ROR2: variants seen among roughly 807,000 people sequenced by gnomAD.
ROR2 encodes the protein tyrosine-protein kinase transmembrane receptor ROR2.
In ROR2, 33 loss-of-function variants were observed where a neutral mutation model predicts 74.9. The ratio of observed to expected loss-of-function variants is 0.44; its 90% CI spans 0.33 to 0.59. The LOEUF is 0.59. ROR2 is among the 20% of genes least tolerant of loss of function. ROR2 has a pLI of 0.02. For synonymous variants in ROR2, 586 were observed against 558.7 expected (o/e 1.05, Z -0.69); for missense variants, 1,216 against 1,313.8 (o/e 0.93, Z 1.15).
At chr9:91,831,684 A>G (rs1405142804) in intron 1 of ROR2, among the ~76,000 whole-genome samples, 11 of 141,156 alleles carry the variant, frequency 7.8e-5, no homozygotes, top group Admixed American at 2.8e-4. Flanking sequence ...CTGAGGCAGG[A>G]GAATCCTATA....
intron 1 of ROR2, among the ~76,000 whole-genome samples, chr9:91,918,420 C>T (rs1211475752): frequency 3.9e-5 from 6 of 152,178 alleles, no homozygotes; most frequent in African/African-American, 1.4e-4. Flanking sequence ...ACCCTAAATA[C>T]TTTCCGACAG....
intron 1 of ROR2, among the ~76,000 whole-genome samples, chr9:91,941,642 C>T (rs1325410556): frequency 6.6e-6 from 1 of 152,194 alleles, no homozygotes; most frequent in Non-Finnish European, 1.5e-5. Flanking sequence ...TTCCCTCCAG[C>T]ACAGGGTCAG....
intron 1 of ROR2, among the ~76,000 whole-genome samples, chr9:91,914,292 A>G (rs952972689): frequency 1.3e-5 from 2 of 152,162 alleles, no homozygotes; most frequent in Non-Finnish European, 2.9e-5. Context: ...CAGAGTTTAA[A>G]CCTCCAGGAG....
At chr9:91,877,650 C>T (rs1829994711) in intron 1 of ROR2, among the ~76,000 whole-genome samples, 2 of 152,186 alleles carry the variant, frequency 1.3e-5, no homozygotes, top group African/African-American at 4.8e-5. Context: ...AATGAAGAAC[C>T]ATCACCAATG....
chr9:91,838,031 T>C (rs1470477816), intron 1 of ROR2, among the ~76,000 whole-genome samples: 1 of 152,208 alleles, frequency 6.6e-6, no homozygotes, highest in East Asian at 1.9e-4. Flanking sequence ...AGTTTCATTT[T>C]TGCATGTTGA....
chr9:91,766,510 A>C (rs1458419683), intron 2 of ROR2, among the ~76,000 whole-genome samples: 1 of 152,170 alleles, frequency 6.6e-6, no homozygotes, highest in Non-Finnish European at 1.5e-5. Context: ...AGTCTGGTCC[A>C]CCATTTTCAA....
intron 8 of ROR2, among the ~76,000 whole-genome samples, chr9:91,725,528 G>T (rs1234341620): frequency 6.6e-6 from 1 of 152,168 alleles, no homozygotes; most frequent in Non-Finnish European, 1.5e-5. Flanking sequence ...CATCACGTGA[G>T]ATGTGATGTC....
chr9:91,894,491 A>T (rs1830492851), intron 1 of ROR2, among the ~76,000 whole-genome samples: 1 of 152,242 alleles, frequency 6.6e-6, no homozygotes, highest in Non-Finnish European at 1.5e-5. Context: ...AAGCAGAGAG[A>T]GTAAGAAACA....
chr9:91,856,111 C>T (rs1249633496), intron 1 of ROR2, among the ~76,000 whole-genome samples: 5 of 152,214 alleles, frequency 3.3e-5, no homozygotes, highest in Non-Finnish European at 7.3e-5. Flanking sequence ...AGCCTGTAAT[C>T]CCAGCAACTC....
chr9:91,915,815 G>A (rs62565747), intron 1 of ROR2, among the ~76,000 whole-genome samples: 35,699 of 152,090 alleles, frequency 0.23, 4,862 homozygotes, highest in Admixed American at 0.42. Context: ...GACGCAGAGC[G>A]CTAATTGGTG....
chr9:91,869,624 A>G (rs528077396), intron 1 of ROR2, among the ~76,000 whole-genome samples: 2 of 152,194 alleles, frequency 1.3e-5, no homozygotes, highest in South Asian at 4.2e-4. Flanking sequence ...CAAAGCTACT[A>G]TAGGGACAGA....
At chr9:91,936,560 A>G (rs7866702) in intron 1 of ROR2, among the ~76,000 whole-genome samples, 55,830 of 152,118 alleles carry the variant, frequency 0.37, 15,687 homozygotes, top group African/African-American at 0.78. Context: ...GAGGTACTGG[A>G]AGTTAGGACT....
chr9:91,813,224 TAAAC>T (rs1301291880), intron 1 of ROR2, among the ~76,000 whole-genome samples: 1 of 152,078 alleles, frequency 6.6e-6, no homozygotes, highest in Admixed American at 6.6e-5. Flanking sequence ...AAAAAACACA[TAAAC>T]GAAATGTCGA....
At chr9:91,750,343 T>C (rs1238693670) in intron 4 of ROR2, among the ~76,000 whole-genome samples, 1 of 152,244 alleles carries the variant, frequency 6.6e-6, no homozygotes, top group South Asian at 2.1e-4. Flanking sequence ...CAGTTAGTTT[T>C]CTGAGAGCCT....
chr9:91,733,154 C>T lies in ROR2; in HGVS notation c.905G>A (p.Arg302His), dbSNP rs759546998. The T allele has an allele frequency of 5.0e-6, 8 of 1,602,724 alleles. No homozygotes were observed. Among genetic ancestry groups the T allele is most frequent in the African/African-American group, 4.0e-5 (3 of 74,800 alleles). The stretch of plus-strand genomic sequence containing the variant: ...CAGCCTCTCGGCTGGGATGCCAATG[C>T]GCATGCAGTTGGCAGCGTCGGGGCT... ...PESPDAANCM[R>H]IGIPAERLGR... The change falls in exon 6 of 9, where the codon CGC (arginine) becomes CAC (histidine). Residue 302 changes from arginine (R) to histidine (H), a missense_variant. Transcript: ENST00000375708. This position sits in a 1 kb window ranked among gnomAD's most constrained non-coding sequence, Gnocchi z 5.7.
intron 1 of ROR2, among the ~76,000 whole-genome samples, chr9:91,919,931 G>T (rs1273737352): frequency 6.6e-6 from 1 of 152,142 alleles, no homozygotes; most frequent in African/African-American, 2.4e-5. Context: ...GAAATATTTT[G>T]AACAGTTTAG....
intron 2 of ROR2, 134 bp from the exon 3 acceptor site, chr9:91,757,693 G>T: frequency 1.1e-6 from 1 of 908,308 alleles, no homozygotes; most frequent in Non-Finnish European, 1.7e-6. Context: ...GTTGTTATCT[G>T]CGGTAATTAT....
chr9:91,791,610 A>C (rs1476846904), intron 1 of ROR2, among the ~76,000 whole-genome samples: 2 of 152,242 alleles, frequency 1.3e-5, no homozygotes, highest in Non-Finnish European at 2.9e-5. Flanking sequence ...TTACAGAAAT[A>C]AAAGGAGACA....
chr9:91,849,619 C>G (rs1402173982), intron 1 of ROR2, among the ~76,000 whole-genome samples: 3 of 152,172 alleles, frequency 2.0e-5, no homozygotes, highest in Non-Finnish European at 4.4e-5. Flanking sequence ...TTTCATTATG[C>G]CCTTTATTGT....
Sources: allele counts gnomAD v4.1 joint callset (sites outside exome capture counted in the v4.1 genomes callset), GRCh38; gene constraint gnomAD v4.1.1; non-coding constraint Gnocchi (gnomAD v3.1); transcripts MANE v1.5; gene names NCBI Gene and HGNC (gene_info 2026-07-23, HGNC 2026-07-21).